AQP11: variants seen among roughly 807,000 people sequenced by gnomAD.
AQP11 encodes aquaporin 11.
A neutral mutation model predicts 21.1 loss-of-function variants in AQP11; 20 were observed. The observed-to-expected ratio is 0.95, with a 90% confidence interval of 0.67 to 1.38. AQP11 has a LOEUF of 1.38. AQP11 is among the 40% of genes most tolerant of loss of function. The pLI is 0.00. For missense variants in AQP11, 339 were observed against 340.4 expected (o/e 1.00, Z 0.03); for synonymous variants, 167 against 150.1 (o/e 1.11, Z -0.82).
Position 77,590,353 on chromosome 11 carries a change from C to T in AQP11, c.361C>T (p.Leu121=). Residue 121 remains leucine (L), a synonymous_variant, in exon 1 of 3, where the codon CTA becomes TTA. Coordinates refer to ENST00000313578, the MANE Select transcript of AQP11 (RefSeq NM_173039.3). ...GMSPETGAVR[L]LAQLVSALCS... is the part of the protein sequence containing the mutation. ...GTCCCCCGAGACGGGTGCGGTGAGG[C>T]TATTGGCTCAGCTGGTTAGTGCCCT... The T allele has an allele frequency of 6.2e-7, 1 of 1,612,824 alleles. No homozygotes were observed.
intron 1 of AQP11, among the ~76,000 whole-genome samples, chr11:77,595,880 G>C (rs986203548): frequency 5.3e-5 from 8 of 151,972 alleles, no homozygotes; most frequent in Non-Finnish European, 7.4e-5. Flanking sequence ...CTGAGCCCTG[G>C]AGGCGGAGGT....
chr11:77,599,490 C>G (rs1164767428), intron 1 of AQP11, among the ~76,000 whole-genome samples: 2 of 146,036 alleles, frequency 1.4e-5, no homozygotes, highest in Non-Finnish European at 3.0e-5. Flanking sequence ...CACCATGTTG[C>G]CCAGGCTGGT....
At chr11:77,601,250 A>C (rs1958813990) in intron 1 of AQP11, among the ~76,000 whole-genome samples, 1 of 152,064 alleles carries the variant, frequency 6.6e-6, no homozygotes, top group Admixed American at 6.6e-5. Context: ...CATTAAAGCC[A>C]ATGCCATGTT....
Position 77,594,412 on chromosome 11 carries a change from T to C in AQP11, c.619+3801T>C, listed in dbSNP as rs17135747. 5.6e-3 allele frequency among the ~76,000 whole-genome samples: 850 copies of C among 152,258 alleles called. 9 individuals are homozygous for C. The highest frequency in any genetic ancestry group is 0.02 in the African/African-American group (814 of 41,556). ...TTTTCAAACTTACGAGATCCTCTTGTCTAGGAGTGTGTAGCAGAAGAGAAC... is the reference window on the plus strand; with the variant it reads ...TTTTCAAACTTACGAGATCCTCTTGCCTAGGAGTGTGTAGCAGAAGAGAAC... On this transcript the variant is annotated intron_variant, in intron 1 of 2. Transcript: ENST00000313578.
At chr11:77,598,629 T>TCCTTC (rs1375458742) in intron 1 of AQP11, among the ~76,000 whole-genome samples, 1 of 152,212 alleles carries the variant, frequency 6.6e-6, no homozygotes, top group African/African-American at 2.4e-5. Flanking sequence ...CTGTTTCCTT[T>TCCTTC]CCTTCCCTGT....
Position 77,590,396 on chromosome 11 carries a change from C to G in AQP11, c.404C>G (p.Thr135Arg). ...AGTGCCCTGTGCAGCAGGTACTGCACAAGCGCCTTGTGGAGCTTGGGTCTG... is the reference window on the plus strand; with the variant it reads ...AGTGCCCTGTGCAGCAGGTACTGCAGAAGCGCCTTGTGGAGCTTGGGTCTG... ...LVSALCSRYC[T>R]SALWSLGLTQ... Residue 135 changes from threonine (T) to arginine (R), a missense_variant, in exon 1 of 3, where the codon ACA becomes AGA. Thr to Arg is a moderately conservative substitution (Grantham distance 71, BLOSUM62 -1). Coordinates refer to ENST00000313578, the MANE Select transcript of AQP11 (RefSeq NM_173039.3). The G allele has an allele frequency of 6.2e-7, 1 of 1,613,986 alleles. No individual in the cohort carries two copies. Among genetic ancestry groups the G allele is most frequent in the East Asian group, 2.2e-5 (1 of 44,860 alleles).
At chr11:77,591,144 TTTC>T in intron 1 of AQP11, 1 of 964,378 alleles carries the variant, frequency 1.0e-6, no homozygotes, top group Non-Finnish European at 1.2e-6. Flanking sequence ...AGTTATGAAA[TTTC>T]TTATTTCCTT....
chr11:77,605,171 C>T (rs1210118463), intron 2 of AQP11, among the ~76,000 whole-genome samples: 9 of 152,008 alleles, frequency 5.9e-5, no homozygotes, highest in Admixed American at 4.6e-4. Context: ...CCAGCTTGGG[C>T]GACAGAGCGA....
intron 1 of AQP11, among the ~76,000 whole-genome samples, chr11:77,603,120 T>C (rs1958824927): frequency 6.6e-6 from 1 of 152,256 alleles, no homozygotes; most frequent in Non-Finnish European, 1.5e-5. Flanking sequence ...TTTGGTCTAT[T>C]GGTCCATTTT....
chr11:77,600,995 G>C (rs1235535976), intron 1 of AQP11, among the ~76,000 whole-genome samples: 10 of 149,608 alleles, frequency 6.7e-5, no homozygotes, highest in Non-Finnish European at 8.9e-5. Flanking sequence ...CTGGGCGACA[G>C]AGCGAGACTC....
intron 1 of AQP11, among the ~76,000 whole-genome samples, chr11:77,598,960 C>A: frequency 6.6e-6 from 1 of 152,186 alleles, no homozygotes; most frequent in South Asian, 2.1e-4. Context: ...AGGCTCACTG[C>A]AACCTCTGCC....
chr11:77,596,499 AAT>A (rs1285882921), intron 1 of AQP11, among the ~76,000 whole-genome samples: 1,601 of 114,794 alleles, frequency 0.014, 65 homozygotes, highest in African/African-American at 0.052. Flanking sequence ...TATATGTGTA[AAT>A]ATATATGTGT....
chr11:77,608,877 C>T (rs904988313), intron 2 of AQP11, among the ~76,000 whole-genome samples: 4 of 152,110 alleles, frequency 2.6e-5, no homozygotes, highest in Non-Finnish European at 1.5e-5. Context: ...GCTTTATTCT[C>T]TAGGTATGTC....
At chr11:77,602,033 A>T (rs1384502063) in intron 1 of AQP11, among the ~76,000 whole-genome samples, 3 of 152,226 alleles carry the variant, frequency 2.0e-5, no homozygotes, top group African/African-American at 7.2e-5. Flanking sequence ...GCTCATTTTT[A>T]AGAGAGGGAA....
In AQP11 at chr11:77,603,638, G is replaced by T. The variant is rs1172992258; in HGVS notation, c.702G>T (p.Gln234His). ...TGTGTTTTGATGAAGCATTCCCTCA[G>T]TTTTTTATAGTATACTGGCTGGCTC... is the stretch of plus-strand genomic sequence containing the variant. ...HFMCFDEAFP[Q>H]FFIVYWLAPS... The change falls in exon 2 of 3, where the codon CAG (glutamine) becomes CAT (histidine). Residue 234 changes from glutamine to histidine, a missense_variant. Physicochemically the swap from Gln to His is conservative, Grantham distance 24. Coordinates refer to ENST00000313578, the MANE Select transcript of AQP11 (RefSeq NM_173039.3). The T allele has an allele frequency of 6.2e-7, 1 of 1,607,916 alleles. No individual in the cohort carries two copies.
At chr11:77,598,750 T>C (rs59969402) in intron 1 of AQP11, among the ~76,000 whole-genome samples, 5 of 152,082 alleles carry the variant, frequency 3.3e-5, no homozygotes, top group African/African-American at 9.7e-5. Context: ...AGTCTTGCTC[T>C]GTCGCCCAGG....
intron 1 of AQP11, 87 bp downstream of exon 1, chr11:77,590,698 G>A: frequency 6.6e-7 from 1 of 1,516,744 alleles, no homozygotes; most frequent in Non-Finnish European, 8.8e-7. Context: ...ATTTGAAACC[G>A]TCTATCCCGC....
chr11:77,606,440 A>G (rs964866654), intron 2 of AQP11, among the ~76,000 whole-genome samples: 6 of 152,204 alleles, frequency 3.9e-5, no homozygotes, highest in African/African-American at 1.4e-4. Flanking sequence ...TGGTACAAAC[A>G]GGAAGATAAC....
chr11:77,591,824 A>T (rs1958749923), intron 1 of AQP11, among the ~76,000 whole-genome samples: 1 of 152,208 alleles, frequency 6.6e-6, no homozygotes, highest in Non-Finnish European at 1.5e-5. Context: ...CAGTGAGCTG[A>T]GATCGCGCCA....
Sources: gnomAD v4.1 joint callset for allele counts (sites outside exome capture counted in the v4.1 genomes callset) on GRCh38, gnomAD v4.1.1 for gene constraint, MANE v1.5 for transcripts, NCBI Gene and HGNC (gene_info 2026-07-23, HGNC 2026-07-21) for gene names.